The following MAST4 variants were observed in gnomAD, a reference collection of about 807,000 sequenced individuals.
The protein encoded by MAST4 is microtubule associated serine/threonine kinase family member 4, also known as microtubule-associated serine/threonine-protein kinase 4.
A neutral mutation model predicts 162.7 loss-of-function variants in MAST4; 89 were observed. The ratio of observed to expected loss-of-function variants is 0.55; its 90% confidence interval spans 0.46 to 0.65. The LOEUF is 0.65. Among genes scored for constraint, MAST4 ranks in the 30% least tolerant of loss-of-function variants. MAST4 has a pLI of 0.00. For synonymous variants in MAST4, 1,479 were observed against 1,361.1 expected (o/e 1.09, Z -1.91); for missense variants, 3,153 against 3,374.0 (o/e 0.93, Z 1.62).
At chr5:66,688,109 T>C (rs1322072207) in intron 1 of MAST4, among the ~76,000 whole-genome samples, 1 of 152,208 alleles carries the variant, frequency 6.6e-6, no homozygotes, top group Non-Finnish European at 1.5e-5. Flanking sequence ...CCACTCTCCA[T>C]CTCTGGTCAT....
In MAST4 at chr5:67,163,069, A is replaced by C. The variant is rs910192220; in HGVS notation, c.3968-78A>C. Reference sequence around the variant, plus strand: ...TGCTGATCTTACCTGGCCTTACCTAATACAGTCTGGGCTACAACTGTGAAA... The same window carrying C: ...TGCTGATCTTACCTGGCCTTACCTACTACAGTCTGGGCTACAACTGTGAAA... On this transcript the variant is annotated intron_variant, in intron 28 of 28. Transcript: ENST00000403625. The surrounding 1 kb of genome is among the most constrained non-coding windows in gnomAD (Gnocchi z 7.0). 56 of 1,466,180 alleles carry C rather than the reference A, an allele frequency of 3.8e-5. No individual in the cohort carries two copies. Among genetic ancestry groups the C allele is most frequent in the Non-Finnish European group, 4.7e-5 (51 of 1,081,552 alleles). The allele number at this position is 1,466,180 out of a possible 1,614,324, so 90.8% of individuals were successfully genotyped here.
At chr5:66,853,092 C>T (rs1759434203) in intron 3 of MAST4, among the ~76,000 whole-genome samples, 1 of 152,164 alleles carries the variant, frequency 6.6e-6, no homozygotes, top group Non-Finnish European at 1.5e-5. Context: ...AGTTCATGGC[C>T]TTGTGCCATG....
chr5:66,671,300 T>A (rs1747597233), intron 1 of MAST4, among the ~76,000 whole-genome samples: 1 of 152,192 alleles, frequency 6.6e-6, no homozygotes, highest in East Asian at 1.9e-4. Context: ...TCTTTTGTTC[T>A]TTGGGGCATG....
intron 1 of MAST4, among the ~76,000 whole-genome samples, chr5:66,674,032 A>T (rs1428254881): frequency 2.0e-5 from 3 of 152,222 alleles, no homozygotes; most frequent in Non-Finnish European, 4.4e-5. Context: ...AAGTCTATTC[A>T]ACTTTGTTTC....
intron 4 of MAST4, among the ~76,000 whole-genome samples, chr5:67,039,188 C>T (rs759189752): frequency 2.6e-5 from 4 of 152,094 alleles, no homozygotes; most frequent in Non-Finnish European, 4.4e-5. Context: ...TAGAAGAGTT[C>T]ATGTTTATTT....
chr5:66,837,023 C>CGTGTGTGTGTGTGTGTGTGT (rs544483226), intron 3 of MAST4, among the ~76,000 whole-genome samples: 9,983 of 144,318 alleles, frequency 0.069, 487 homozygotes, highest in East Asian at 0.16. Context: ...CATGCAGGAT[C>CGTGTGTGTGTGTGTGTGTGT]ATGTGTGTGT....
intron 3 of MAST4, among the ~76,000 whole-genome samples, chr5:66,827,436 G>A (rs562690456): frequency 3.3e-5 from 5 of 152,284 alleles, no homozygotes; most frequent in East Asian, 3.9e-4. Context: ...TGCAAAGACC[G>A]TTTGGGAACA....
At chr5:66,908,079 G>C (rs970831556) in intron 4 of MAST4, among the ~76,000 whole-genome samples, 2 of 152,144 alleles carry the variant, frequency 1.3e-5, no homozygotes, top group Non-Finnish European at 2.9e-5. Flanking sequence ...ATTTAAAGTG[G>C]CATGTTTACA....
Position 66,703,371 on chromosome 5 carries a change from G to A in MAST4, c.364-56338G>A, listed in dbSNP as rs377076161. 4.3e-4 allele frequency among the ~76,000 whole-genome samples: 65 copies of A among 152,268 alleles called. 1 individual carries two copies. The highest frequency in any genetic ancestry group is 1.4e-3 in the African/African-American group (59 of 41,542). The stretch of plus-strand genomic sequence containing the variant: ...AGCAGTAATATTGACCATCTTATAT[G>A]TATGCATGGATGATCATTGTCATAA... On this transcript the variant is annotated intron_variant, in intron 1 of 28. Coordinates refer to ENST00000403625, the MANE Select transcript of MAST4 (RefSeq NM_001164664.2).
At chr5:66,748,660 T>C (rs1484352253) in intron 1 of MAST4, among the ~76,000 whole-genome samples, 1 of 151,508 alleles carries the variant, frequency 6.6e-6, no homozygotes, top group Non-Finnish European at 1.5e-5. Flanking sequence ...CAGCTAATTT[T>C]TGTATTTTTA....
intron 3 of MAST4, among the ~76,000 whole-genome samples, chr5:66,853,911 A>G (rs962803059): frequency 6.6e-6 from 1 of 152,196 alleles, no homozygotes; most frequent in South Asian, 2.1e-4. Context: ...TATTTAATAA[A>G]TTACTTAAAG....
chr5:67,002,176 TA>T (rs1246032998), intron 4 of MAST4: 1 of 152,164 alleles, frequency 6.6e-6, no homozygotes, highest in Non-Finnish European at 1.5e-5. Context: ...TGAGGAATGT[TA>T]GCACTGATAT....
chr5:66,717,282 C>A (rs1180309324), intron 1 of MAST4, among the ~76,000 whole-genome samples: 1 of 152,114 alleles, frequency 6.6e-6, no homozygotes, highest in Non-Finnish European at 1.5e-5. Flanking sequence ...AGCCATCATT[C>A]TTGAATTAGG....
intron 5 of MAST4, among the ~76,000 whole-genome samples, chr5:67,056,998 G>C (rs116205753): frequency 6.6e-6 from 1 of 151,962 alleles, no homozygotes; most frequent in Non-Finnish European, 1.5e-5. Context: ...CCACCGCACC[G>C]CACCCAGCAT....
chr5:66,933,469 C>T (rs1022690147), intron 4 of MAST4, among the ~76,000 whole-genome samples: 8 of 152,132 alleles, frequency 5.3e-5, no homozygotes, highest in Non-Finnish European at 1.0e-4. Flanking sequence ...AAATAATGCA[C>T]CTCTTACAAA....
chr5:67,139,038 A>G (rs1467571626), intron 19 of MAST4, among the ~76,000 whole-genome samples: 3 of 152,306 alleles, frequency 2.0e-5, no homozygotes, highest in Admixed American at 6.5e-5. Flanking sequence ...CAGTCTTTTT[A>G]GGGTTTGACA....
intron 4 of MAST4, among the ~76,000 whole-genome samples, chr5:67,002,479 A>G (rs1751401961): frequency 6.6e-6 from 1 of 152,212 alleles, no homozygotes; most frequent in African/African-American, 2.4e-5. Context: ...GACTAATTGG[A>G]AAGACAGCAG....
At chr5:66,967,328 C>T (rs939851712) in intron 4 of MAST4, among the ~76,000 whole-genome samples, 8 of 152,258 alleles carry the variant, frequency 5.3e-5, no homozygotes, top group South Asian at 2.1e-4. Flanking sequence ...CCATCTCCAG[C>T]GGAACTCCAG....
chr5:66,929,509 A>G (rs79267840), intron 4 of MAST4, among the ~76,000 whole-genome samples: 2,200 of 152,304 alleles, frequency 0.014, 48 homozygotes, highest in African/African-American at 0.05. Flanking sequence ...TTCTTAATCC[A>G]GTCAAATTGA....
Sources: allele counts gnomAD v4.1 joint callset (sites outside exome capture counted in the v4.1 genomes callset), GRCh38; gene constraint gnomAD v4.1.1; non-coding constraint Gnocchi (gnomAD v3.1); transcripts MANE v1.5; gene names NCBI Gene and HGNC (gene_info 2026-07-23, HGNC 2026-07-21).